Variants in POLR2F observed in about 807,000 individuals in gnomAD.
The protein encoded by POLR2F is DNA-directed RNA polymerases I, II, and III subunit RPABC2.
In POLR2F, 12 loss-of-function variants were observed where a neutral mutation model predicts 22.7. The ratio of observed to expected loss-of-function variants is 0.53; its 90% CI spans 0.34 to 0.86. The LOEUF is 0.86. POLR2F is among the 40% of genes least tolerant of loss of function. POLR2F has a pLI of 0.02. For synonymous variants in POLR2F, 57 were observed against 66.0 expected, an observed-to-expected ratio of 0.86 and a Z score of 0.66; for missense variants, 126 against 171.5, an observed-to-expected ratio of 0.73 and a Z score of 1.48.
intron 2 of POLR2F, among the ~76,000 whole-genome samples, chr22:37,957,360 A>C (rs1601863093): frequency 1.3e-5 from 2 of 152,166 alleles, no homozygotes; most frequent in Admixed American, 6.6e-5. Flanking sequence ...TGTGGCTTGG[A>C]CATAGGTGCT....
chr22:37,968,643 C>T lies in POLR2F; in HGVS notation c.*928C>T. On this transcript the variant is annotated 3_prime_UTR_variant, in exon 5 of 5. Coordinates refer to ENST00000442738, the MANE Select transcript of POLR2F (RefSeq NM_021974.5). ...GACCAGTCACACTGGCTCCTCCCTC[C>T]TAGAGGGGGTCAGGGGGAGGGTGTA... 1.0e-6 allele frequency: 1 copy of T among 985,274 alleles called. No individual in the cohort carries two copies. The highest frequency in any genetic ancestry group is 1.2e-6 in the Non-Finnish European group (1 of 829,778). 61.0% of individuals were successfully genotyped at this position (985,274 alleles called of 1,614,324 possible). A position where few individuals can be genotyped will look rare whatever the true frequency, so the allele number is the denominator to read the frequency against.
intron 1 of POLR2F, among the ~76,000 whole-genome samples, chr22:37,990,515 G>A (rs73415894): frequency 0.02 from 3,111 of 152,386 alleles, 115 homozygotes; most frequent in African/African-American, 0.071. Context: ...CAGCTGCTGG[G>A]AACTTCTGTG....
rs772887957 is a variant in POLR2F at position 37,978,023 on chromosome 22, C to T, written c.293+10853C>T. 3 of 1,611,444 alleles carry T rather than the reference C, an allele frequency of 1.9e-6. No individual in the cohort carries two copies. Among genetic ancestry groups the T allele is most frequent in the African/African-American group, 1.3e-5 (1 of 75,046 alleles). ...TCCGCCTCGCCCTGGGCGGCCTTCC[C>T]GTTCTTCCGCCGCCTGGGCTGGTAC... is the stretch of plus-strand genomic sequence containing the variant. On this transcript the variant is annotated intron_variant, in intron 4 of 4. Coordinates refer to the POLR2F transcript ENST00000405557. The surrounding 1 kb of genome is among the most constrained non-coding windows in gnomAD (Gnocchi z 5.0).
intron 1 of POLR2F, among the ~76,000 whole-genome samples, chr22:38,001,623 C>T (rs1290300149): frequency 6.6e-6 from 1 of 152,060 alleles, no homozygotes; most frequent in Admixed American, 6.6e-5. Context: ...ACCTCTGCCT[C>T]CCAGGTTCAA....
chr22:37,959,619 A>G, intron 3 of POLR2F, 143 bp downstream of exon 3: 1 of 871,048 alleles, frequency 1.1e-6, no homozygotes, highest in Non-Finnish European at 1.8e-6. Context: ...CGTACCAGGC[A>G]TTGAGCTAGT....
At chr22:37,971,125 G>C, downstream of POLR2F, 1 of 423,196 alleles carries the variant, frequency 2.4e-6, no homozygotes, top group Non-Finnish European at 5.0e-6. Context: ...AGGATGCCCA[G>C]TCTGGAGCAG....
downstream of POLR2F, among the ~76,000 whole-genome samples, chr22:38,029,827 G>A (rs1188107109): frequency 2.6e-5 from 4 of 152,210 alleles, no homozygotes; most frequent in African/African-American, 9.6e-5. Context: ...GGCACCATCA[G>A]GTCAGTCCTG....
rs566674109 is a variant in POLR2F at position 37,986,865 on chromosome 22, C to T, written c.120+553C>T. ...TCTCCAGCAGGCAAGGGTGAAGGAC[C>T]CATAGTCATTCCTGAAGAGCAGGGA... On this transcript the variant is annotated intron_variant, in intron 1 of 2. Transcript: ENST00000333418. This position sits in a 1 kb window ranked among gnomAD's most constrained non-coding sequence, Gnocchi z 4.7. 1.5e-5 allele frequency: 7 copies of T among 452,644 alleles called. No homozygotes were observed. The highest frequency in any genetic ancestry group is 6.2e-5 in the South Asian group (4 of 64,192). The allele number at this position is 452,644 out of a possible 1,614,324, so 28.0% of individuals were successfully genotyped here. A position where few individuals can be genotyped will look rare whatever the true frequency, so the allele number is the denominator to read the frequency against.
intron 1 of POLR2F, among the ~76,000 whole-genome samples, chr22:38,022,154 C>T (rs2084965258): frequency 6.7e-6 from 1 of 150,116 alleles, no homozygotes. Context: ...ATTCATTTGC[C>T]TCCTGAGTTT....
chr22:38,031,454 T>C (rs2085064882), downstream of POLR2F, among the ~76,000 whole-genome samples: 1 of 152,118 alleles, frequency 6.6e-6, no homozygotes. This position sits in a 1 kb window ranked among gnomAD's most constrained non-coding sequence, Gnocchi z 4.1. Context: ...CAGTCATGTC[T>C]GTCTCCTCCA....
chr22:37,953,766 G>T lies in POLR2F; in HGVS notation c.-22G>T. On this transcript the variant is annotated 5_prime_UTR_variant, in exon 1 of 5. Transcript: ENST00000442738. ...CTCCGCGCGGGACCGGGGCGCAGCG[G>T]GGTCGCTGAGGCGAGGGTGTCATGT... The T allele has an allele frequency of 6.2e-7, 1 of 1,606,594 alleles. No homozygotes were observed.
upstream of POLR2F, chr22:37,985,997 C>T: frequency 1.6e-6 from 2 of 1,255,594 alleles, no homozygotes; most frequent in Non-Finnish European, 2.1e-6. Context: ...TCGACGCCAC[C>T]CCCGGCGCTG....
upstream of POLR2F, chr22:37,985,282 A>G (rs73415879): frequency 6.6e-6 from 1 of 151,970 alleles, no homozygotes; most frequent in African/African-American, 2.4e-5. Context: ...GTTGCTACCT[A>G]CTGGGACCCA....
At chr22:38,004,021 G>A (rs1264279203) in intron 1 of POLR2F, among the ~76,000 whole-genome samples, 2 of 151,930 alleles carry the variant, frequency 1.3e-5, no homozygotes, top group East Asian at 1.9e-4. Context: ...ATGGGGTGTC[G>A]CTGTGTTGCC....
chr22:37,998,708 G>A (rs73417821), intron 1 of POLR2F, among the ~76,000 whole-genome samples: 3,102 of 152,222 alleles, frequency 0.02, 114 homozygotes, highest in African/African-American at 0.071. Context: ...CTTTGGCCAC[G>A]GCCATTCCTC....
downstream of POLR2F, among the ~76,000 whole-genome samples, chr22:38,028,055 A>G (rs1409460453): frequency 6.6e-6 from 1 of 152,134 alleles, no homozygotes; most frequent in Admixed American, 6.5e-5. Context: ...AAGCCATCGT[A>G]TCTGCATCAC....
chr22:38,020,738 TA>T lies in POLR2F; in HGVS notation c.121-5121del, dbSNP rs368145115. Reference sequence around the variant, plus strand: ...GCCTGGGCAATAGAGTGAGACTGTCTAAAAAAAAAACACCAAAACACAAAGA... The same window carrying T: ...GCCTGGGCAATAGAGTGAGACTGTCTAAAAAAAAACACCAAAACACAAAGA... On this transcript the variant is annotated intron_variant, in intron 1 of 2. Coordinates refer to the POLR2F transcript ENST00000333418. 9.6e-3 allele frequency among the ~76,000 whole-genome samples: 1,417 copies of T among 147,100 alleles called. 9 individuals are homozygous for T. Among genetic ancestry groups the T allele is most frequent in the Non-Finnish European group, 0.015 (990 of 66,412 alleles).
downstream of POLR2F, chr22:38,041,199 A>G (rs2085169186): frequency 1.3e-6 from 2 of 1,582,636 alleles, no homozygotes; most frequent in Non-Finnish European, 1.7e-6. Context: ...GGCGGCCGCC[A>G]GGGAAGGGAT....
chr22:38,014,015 G>A lies in POLR2F; in HGVS notation c.121-11854G>A, dbSNP rs148126446. Among the ~76,000 whole-genome samples the A allele has an allele frequency of 5.3e-3, 810 of 151,826 alleles. 12 individuals carry two copies. Among genetic ancestry groups the A allele is most frequent in the African/African-American group, 0.019 (785 of 41,396 alleles). On this transcript the variant is annotated intron_variant, in intron 1 of 2. Transcript: ENST00000333418. ...CGCATGCCTGTAATCCCAGCTACTC[G>A]GGAGGCTGAGGCTGGAGAATGGCTT...
Sources: allele counts gnomAD v4.1 joint callset (sites outside exome capture counted in the v4.1 genomes callset), GRCh38; gene constraint gnomAD v4.1.1; non-coding constraint Gnocchi (gnomAD v3.1); transcripts MANE v1.5; gene names NCBI Gene and HGNC (gene_info 2026-07-23, HGNC 2026-07-21).